EPHA5: variants seen among roughly 807,000 people sequenced by gnomAD.
EPHA5 encodes EPH receptor A5.
Under a neutral mutation model 105.0 loss-of-function variants are expected in EPHA5, and 60 were observed. The ratio of observed to expected loss-of-function variants is 0.57; its 90% CI spans 0.46 to 0.71. The LOEUF is 0.71. Ranked by LOEUF, EPHA5 falls within the 30% of genes least tolerant of loss-of-function variation. EPHA5 has a pLI of 0.00. For missense variants in EPHA5, 1,218 were observed against 1,274.7 expected (o/e 0.96, Z 0.68); for synonymous variants, 513 against 449.1 (o/e 1.14, Z -1.80).
chr4:65,376,311 T>C (rs1038006583), intron 8 of EPHA5, among the ~76,000 whole-genome samples: 10 of 152,022 alleles, frequency 6.6e-5, no homozygotes, highest in Admixed American at 5.9e-4. Flanking sequence ...TTTCACAAAG[T>C]AGCTCCCATT....
intron 3 of EPHA5, among the ~76,000 whole-genome samples, chr4:65,584,866 A>G (rs1227762079): frequency 1.3e-5 from 2 of 151,998 alleles, no homozygotes; most frequent in African/African-American, 2.4e-5. Flanking sequence ...TCATATAATT[A>G]TTACATATAC....
chr4:65,621,750 C>A (rs1222633775), intron 2 of EPHA5, among the ~76,000 whole-genome samples: 1 of 152,086 alleles, frequency 6.6e-6, no homozygotes, highest in East Asian at 1.9e-4. Flanking sequence ...TGGGTTCTAG[C>A]AAGTGCTGTT....
intron 5 of EPHA5, among the ~76,000 whole-genome samples, chr4:65,477,376 TG>T (rs1309077554): frequency 3.9e-5 from 6 of 152,192 alleles, no homozygotes; most frequent in South Asian, 4.1e-4. Flanking sequence ...TCTGTGACCT[TG>T]GGGGAATCAC....
At chr4:65,407,344 C>A (rs1490191865) in intron 7 of EPHA5, among the ~76,000 whole-genome samples, 1 of 151,962 alleles carries the variant, frequency 6.6e-6, no homozygotes, top group Admixed American at 6.6e-5. Context: ...TTCAGATTGG[C>A]CAAAGTATTA....
chr4:65,440,402 G>A (rs1725893528), intron 5 of EPHA5, among the ~76,000 whole-genome samples: 1 of 151,718 alleles, frequency 6.6e-6, no homozygotes, highest in African/African-American at 2.4e-5. Context: ...TTAGTATTAT[G>A]TGTGCAAAAA....
At chr4:65,634,108 C>T (rs528983968) in intron 2 of EPHA5, among the ~76,000 whole-genome samples, 1 of 152,092 alleles carries the variant, frequency 6.6e-6, no homozygotes, top group South Asian at 2.1e-4. Context: ...GGACATTTAG[C>T]TAGCCAATTG....
At chr4:65,342,362 A>G (rs544698802) in intron 14 of EPHA5, among the ~76,000 whole-genome samples, 11 of 152,232 alleles carry the variant, frequency 7.2e-5, no homozygotes, top group African/African-American at 2.4e-4. Context: ...TAGATTACAT[A>G]GCAATGAGGC....
At chr4:65,473,053 GC>G (rs1397989730) in intron 5 of EPHA5, among the ~76,000 whole-genome samples, 10 of 152,116 alleles carry the variant, frequency 6.6e-5, no homozygotes, top group Admixed American at 5.9e-4. Flanking sequence ...TAGGGCAGAG[GC>G]AAAATGCCAC....
chr4:65,345,217 C>T (rs1560433266), intron 14 of EPHA5, among the ~76,000 whole-genome samples: 1 of 152,134 alleles, frequency 6.6e-6, no homozygotes, highest in Non-Finnish European at 1.5e-5. Context: ...AAATGCTAGT[C>T]AGTGCTCCCC....
chr4:65,432,494 T>G (rs1725070990), intron 5 of EPHA5, among the ~76,000 whole-genome samples: 1 of 152,318 alleles, frequency 6.6e-6, no homozygotes, highest in Admixed American at 6.5e-5. Flanking sequence ...GAAAATCATC[T>G]AACTAGCTTT....
chr4:65,339,350 A>G (rs1721483113), intron 14 of EPHA5, among the ~76,000 whole-genome samples: 1 of 152,138 alleles, frequency 6.6e-6, no homozygotes, highest in African/African-American at 2.4e-5. Context: ...CACATAGTAT[A>G]TCACCCATCC....
intron 16 of EPHA5, among the ~76,000 whole-genome samples, chr4:65,324,806 C>G (rs1304619167): frequency 6.9e-6 from 1 of 145,622 alleles, no homozygotes; most frequent in Non-Finnish European, 1.5e-5. Context: ...CAAATAACAT[C>G]CAAGCTCTAC....
chr4:65,330,256 T>C (rs1017073210), intron 16 of EPHA5, among the ~76,000 whole-genome samples: 9 of 151,166 alleles, frequency 6.0e-5, no homozygotes, highest in Admixed American at 2.0e-4. Flanking sequence ...AGAATCATTA[T>C]GAGAAGACAT....
intron 3 of EPHA5, 108 bp from the exon 4 acceptor site, chr4:65,495,651 A>G (rs189162749): frequency 3.6e-6 from 3 of 844,540 alleles, no homozygotes; most frequent in East Asian, 2.7e-5. Flanking sequence ...AGATAACACA[A>G]TCTTTGCATC....
rs114536618 is a variant in EPHA5 at position 65,631,753 on chromosome 4, T to A, written c.246+11610A>T. 9.3e-3 allele frequency among the ~76,000 whole-genome samples: 1,410 copies of A among 151,062 alleles called. 23 individuals are homozygous for A. Among genetic ancestry groups the A allele is most frequent in the African/African-American group, 0.032 (1,324 of 41,356 alleles). On this transcript the variant is annotated intron_variant, in intron 2 of 16. Coordinates refer to ENST00000613740, the MANE Select transcript of EPHA5 (RefSeq NM_001281766.3). ...TAAAGTATAATAATAATAATAATAATAAAAGAGATTAATAAGACTATATTA... is the reference window on the plus strand; with the variant it reads ...TAAAGTATAATAATAATAATAATAAAAAAAGAGATTAATAAGACTATATTA...
At chr4:65,601,618 C>A (rs989069267) in intron 3 of EPHA5, 23 bp downstream of exon 3, 1 of 1,603,006 alleles carries the variant, frequency 6.2e-7, no homozygotes, top group East Asian at 2.2e-5. Flanking sequence ...ACAGCCCCTG[C>A]AGATCTGGAG....
chr4:65,576,050 GAAAGAAAGAAAAGA>G (rs1740926021), intron 3 of EPHA5, among the ~76,000 whole-genome samples: 79 of 71,186 alleles, frequency 1.1e-3, no homozygotes, highest in East Asian at 4.2e-3. Flanking sequence ...AAGAAAGAAA[GAAAGAAAGAAAAGA>G]AAAGAAAAGA....
chr4:65,380,575 T>C (rs1241248558), intron 8 of EPHA5, among the ~76,000 whole-genome samples: 1 of 151,518 alleles, frequency 6.6e-6, no homozygotes, highest in Non-Finnish European at 1.5e-5. Context: ...AATTGGATAA[T>C]AAAAACACTA....
intron 5 of EPHA5, among the ~76,000 whole-genome samples, chr4:65,475,634 T>C (rs551750895): frequency 1.3e-5 from 2 of 152,214 alleles, no homozygotes; most frequent in Admixed American, 6.5e-5. Flanking sequence ...ATTTACAATA[T>C]GCATTTTTAA....
Sources: gnomAD v4.1 joint callset for allele counts (sites outside exome capture counted in the v4.1 genomes callset) on GRCh38, gnomAD v4.1.1 for gene constraint, MANE v1.5 for transcripts, NCBI Gene and HGNC (gene_info 2026-07-23, HGNC 2026-07-21) for gene names.